GBE1: variants seen among roughly 807,000 people sequenced by gnomAD.
The protein encoded by GBE1 is 1,4-alpha-glucan-branching enzyme.
In GBE1, 70 loss-of-function variants were observed where a neutral mutation model predicts 88.8. That is an observed-to-expected ratio of 0.79 (90% CI 0.65 to 0.96). The LOEUF (loss-of-function observed/expected upper bound fraction) is 0.96. Ranked by LOEUF, GBE1 falls within the 40% of genes least tolerant of loss-of-function variation. The pLI is 0.00. For synonymous variants in GBE1, 284 were observed against 300.1 expected, an observed-to-expected ratio of 0.95 and a Z score of 0.56; for missense variants, 872 against 871.0, an observed-to-expected ratio of 1.00 and a Z score of -0.01.
At chr3:81,754,421 C>G (rs182064328) in intron 1 of GBE1, among the ~76,000 whole-genome samples, 3 of 150,894 alleles carry the variant, frequency 2.0e-5, no homozygotes, top group Non-Finnish European at 4.4e-5. Flanking sequence ...CCTATCAAAA[C>G]GCTGATTATC....
At chr3:81,652,122 G>A (rs1704859467) in intron 3 of GBE1, among the ~76,000 whole-genome samples, 5 of 152,178 alleles carry the variant, frequency 3.3e-5, no homozygotes, top group Admixed American at 3.3e-4. Context: ...TGAAGACACA[G>A]AGCTGCTACA....
chr3:81,617,908 G>GAAA (rs1486306953), intron 7 of GBE1, among the ~76,000 whole-genome samples: 8 of 151,904 alleles, frequency 5.3e-5, no homozygotes, highest in Non-Finnish European at 8.8e-5. Context: ...TAGTTACAGG[G>GAAA]TAATTATAGT....
At chr3:81,550,661 C>T (rs1192874979) in intron 12 of GBE1, among the ~76,000 whole-genome samples, 2 of 152,168 alleles carry the variant, frequency 1.3e-5, no homozygotes, top group Non-Finnish European at 2.9e-5. Flanking sequence ...AAGAAGCCAG[C>T]TAAAACCCAC....
At chr3:81,715,568 T>C (rs1302375065) in intron 1 of GBE1, among the ~76,000 whole-genome samples, 4 of 152,212 alleles carry the variant, frequency 2.6e-5, no homozygotes, top group Admixed American at 2.6e-4. Context: ...TTGTTTCATA[T>C]ATGGAATTAC....
chr3:81,682,731 A>T (rs1027281616), intron 2 of GBE1, among the ~76,000 whole-genome samples: 3 of 152,198 alleles, frequency 2.0e-5, no homozygotes, highest in African/African-American at 7.2e-5. Flanking sequence ...CATTAGACAC[A>T]GCAATTCCAC....
intron 10 of GBE1, among the ~76,000 whole-genome samples, chr3:81,585,696 AC>A (rs1703793926): frequency 6.6e-6 from 1 of 152,192 alleles, no homozygotes; most frequent in Admixed American, 6.5e-5. Flanking sequence ...GAAAAACCAT[AC>A]TATTAAGCAA....
chr3:81,698,540 T>C (rs911638019), intron 2 of GBE1, among the ~76,000 whole-genome samples: 6 of 152,228 alleles, frequency 3.9e-5, no homozygotes, highest in Non-Finnish European at 8.8e-5. Context: ...TAATTCAAAA[T>C]ACTTTTTAAA....
At chr3:81,560,895 A>G (rs905211156) in intron 12 of GBE1, among the ~76,000 whole-genome samples, 9 of 151,956 alleles carry the variant, frequency 5.9e-5, no homozygotes, top group African/African-American at 2.2e-4. Context: ...TTTTTAGGGG[A>G]AAGACAAGTA....
intron 1 of GBE1, among the ~76,000 whole-genome samples, chr3:81,711,753 T>G (rs1470022221): frequency 6.6e-6 from 1 of 152,166 alleles, no homozygotes; most frequent in African/African-American, 2.4e-5. Flanking sequence ...GGGCAAGGAC[T>G]TCATGTCTAA....
rs143857315 is a variant in GBE1, at chr3:81,714,617, G to A, written c.144-9004C>T. Reference sequence around the variant, plus strand: ...TTAGTCAGTCCCACTGGCTCTCCTTGTACACTTGCTTGACTGGCCCTATAG... The same window carrying A: ...TTAGTCAGTCCCACTGGCTCTCCTTATACACTTGCTTGACTGGCCCTATAG... On this transcript the variant is annotated intron_variant, in intron 1 of 15. Coordinates refer to ENST00000429644, the MANE Select transcript of GBE1 (RefSeq NM_000158.4). 4.3e-3 allele frequency among the ~76,000 whole-genome samples: 657 copies of A among 152,250 alleles called. 8 individuals are homozygous for A. The highest frequency in any genetic ancestry group is 0.014 in the African/African-American group (591 of 41,558).
rs1301383939 is a variant in GBE1, at chr3:81,733,396, A to C, written c.144-27783T>G. Reference sequence around the variant, plus strand: ...TATATTACAATGTAATAAAATAGAAATAAAGTGCACAAAAAAAATGTAATG... The same window carrying C: ...TATATTACAATGTAATAAAATAGAACTAAAGTGCACAAAAAAAATGTAATG... On this transcript the variant is annotated intron_variant, in intron 1 of 15. Transcript: ENST00000429644. This position sits in a 1 kb window ranked among gnomAD's most constrained non-coding sequence, Gnocchi z 4.0. Among the ~76,000 whole-genome samples, 1 of 152,160 alleles carries C rather than the reference A, an allele frequency of 6.6e-6. No homozygotes were observed. Among genetic ancestry groups the C allele is most frequent in the East Asian group, 1.9e-4 (1 of 5,194 alleles).
In GBE1 at chr3:81,524,557, C is replaced by T. The variant is rs535717756; in HGVS notation, c.1934+10638G>A. 2.8e-4 allele frequency among the ~76,000 whole-genome samples: 43 copies of T among 151,756 alleles called. 2 individuals are homozygous for T. In the South Asian group the frequency reaches 8.3e-3, roughly 29 times the overall value. On this transcript the variant is annotated intron_variant, in intron 14 of 15. Transcript: ENST00000429644. ...CATAAACTATGTCTAAGATTTCAGT[C>T]TTTAATCCACTTTGATTTGTTTTTT...
intron 15 of GBE1, among the ~76,000 whole-genome samples, chr3:81,493,232 AT>A (rs1260839488): frequency 6.6e-6 from 1 of 152,218 alleles, no homozygotes; most frequent in Non-Finnish European, 1.5e-5. Flanking sequence ...CATTTCTCTT[AT>A]AGAGTATTGT....
At chr3:81,508,646 A>C (rs1161949232) in intron 14 of GBE1, among the ~76,000 whole-genome samples, 1 of 152,182 alleles carries the variant, frequency 6.6e-6, no homozygotes, top group East Asian at 1.9e-4. Context: ...CAATGCAGTC[A>C]AGTGCAATAT....
chr3:81,527,732 G>A (rs1006481481), intron 14 of GBE1, among the ~76,000 whole-genome samples: 2 of 152,086 alleles, frequency 1.3e-5, no homozygotes, highest in Non-Finnish European at 2.9e-5. Context: ...TGCTGGAGAG[G>A]ATGTGGAGAA....
intron 7 of GBE1, among the ~76,000 whole-genome samples, chr3:81,641,747 T>A (rs536702157): frequency 3.9e-4 from 59 of 152,064 alleles, no homozygotes; most frequent in African/African-American, 1.3e-3. Flanking sequence ...CATATATAAG[T>A]CATCTAATTT....
chr3:81,632,130 A>G (rs1229031499), intron 7 of GBE1, among the ~76,000 whole-genome samples: 1 of 152,204 alleles, frequency 6.6e-6, no homozygotes, highest in Non-Finnish European at 1.5e-5. Context: ...CCTGCAAAGG[A>G]CATGAACTCA....
rs202047305 is a variant in GBE1 at position 81,492,732 on chromosome 3, CCTTT to C, written c.2053-2273_2053-2270del. On this transcript the variant is annotated intron_variant, in intron 15 of 15. Transcript: ENST00000429644. The stretch of plus-strand genomic sequence containing the variant: ...CCTTTCCTTCCTTCCTTCCTTCCTT[CCTTT>C]TCTTTCTTTCTTTTTTTTTTTACAT... Among the ~76,000 whole-genome samples the C allele has an allele frequency of 4.1e-3, 592 of 144,292 alleles. 7 individuals carry two copies. The highest frequency in any genetic ancestry group is 0.014 in the African/African-American group (536 of 38,122). The allele number at this position is 144,292 out of a possible 152,430, so 94.7% of individuals were successfully genotyped here.
At chr3:81,699,484 T>C (rs895577231) in intron 2 of GBE1, among the ~76,000 whole-genome samples, 14 of 152,204 alleles carry the variant, frequency 9.2e-5, no homozygotes, top group African/African-American at 3.4e-4. Flanking sequence ...ATAGGATAGA[T>C]ATATAAAGGG....
Sources: gnomAD v4.1 joint callset for allele counts (sites outside exome capture counted in the v4.1 genomes callset) on GRCh38, gnomAD v4.1.1 for gene constraint, Gnocchi (gnomAD v3.1) non-coding constraint, MANE v1.5 for transcripts, NCBI Gene and HGNC (gene_info 2026-07-23, HGNC 2026-07-21) for gene names.